Variants in VSTM4 observed in about 807,000 individuals in gnomAD.
VSTM4 encodes the protein V-set and transmembrane domain-containing protein 4.
Under a neutral mutation model 36.4 loss-of-function variants are expected in VSTM4, and 20 were observed. That is an observed-to-expected ratio of 0.55 (90% CI 0.39 to 0.80). The LOEUF is 0.80. VSTM4 is among the 30% of genes least tolerant of loss of function. The probability of loss-of-function intolerance (pLI) is 0.00; values close to 1 mark genes in which losing one functional copy is unlikely to be tolerated. For missense variants in VSTM4, 392 were observed against 404.5 expected, an observed-to-expected ratio of 0.97 and a Z score of 0.26; for synonymous variants, 182 against 173.9, an observed-to-expected ratio of 1.05 and a Z score of -0.37.
At chr10:49,099,647 C>T (rs1327115715) in intron 2 of VSTM4, among the ~76,000 whole-genome samples, 2 of 152,208 alleles carry the variant, frequency 1.3e-5, no homozygotes, top group African/African-American at 4.8e-5. Context: ...ATTTCTCACC[C>T]AGTGAAATCA....
intron 3 of VSTM4, 32 bp downstream of exon 3, chr10:49,085,923 A>G (rs760954401): frequency 1.5e-6 from 2 of 1,378,072 alleles, no homozygotes; most frequent in Non-Finnish European, 2.0e-6. Context: ...GCAACTATAG[A>G]GCAATAAAAA....
chr10:49,036,686 G>C (rs969122359), intron 7 of VSTM4, among the ~76,000 whole-genome samples: 1 of 152,234 alleles, frequency 6.6e-6, no homozygotes, highest in Admixed American at 6.5e-5. Flanking sequence ...ATAAGAGACA[G>C]ATTCTTTTTT....
At chr10:49,096,871 T>G (rs1844581701) in intron 2 of VSTM4, among the ~76,000 whole-genome samples, 1 of 152,076 alleles carries the variant, frequency 6.6e-6, no homozygotes, top group South Asian at 2.1e-4. Context: ...GCCAGGCTGG[T>G]CTTGAACTCC....
At chr10:49,032,738 G>C (rs1357290506) in intron 7 of VSTM4, among the ~76,000 whole-genome samples, 1 of 152,104 alleles carries the variant, frequency 6.6e-6, no homozygotes, top group African/African-American at 2.4e-5. Flanking sequence ...AGCTTCTCTA[G>C]AGGTTCCACG....
Position 49,054,868 on chromosome 10 carries a change from C to T in VSTM4, c.669-6284G>A, listed in dbSNP as rs566641960. 8.5e-5 allele frequency among the ~76,000 whole-genome samples: 13 copies of T among 152,268 alleles called. 1 individual carries two copies. Among genetic ancestry groups the T allele is most frequent in the South Asian group, 2.1e-4 (1 of 4,824 alleles). ...TCTCTGGGATGTGCAGGAGGTGCAGCGAACTGTGTGAGCCAAGGGACTTTC... is the reference window on the plus strand; with the variant it reads ...TCTCTGGGATGTGCAGGAGGTGCAGTGAACTGTGTGAGCCAAGGGACTTTC... On this transcript the variant is annotated intron_variant, in intron 5 of 7. Coordinates refer to ENST00000332853, the MANE Select transcript of VSTM4 (RefSeq NM_001031746.5).
intron 4 of VSTM4, 33 bp downstream of exon 4, chr10:49,077,186 C>T (rs779735556): frequency 6.2e-7 from 1 of 1,607,012 alleles, no homozygotes; most frequent in East Asian, 2.2e-5. Flanking sequence ...GGGTGTGCTC[C>T]CATCCCAGAC....
intron 5 of VSTM4, among the ~76,000 whole-genome samples, chr10:49,061,150 T>C (rs1338331386): frequency 6.6e-6 from 1 of 152,196 alleles, no homozygotes; most frequent in Non-Finnish European, 1.5e-5. Flanking sequence ...AATCAGTGTG[T>C]CACTTTCAAC....
chr10:49,035,318 A>T (rs555049140), intron 7 of VSTM4, among the ~76,000 whole-genome samples: 1 of 152,284 alleles, frequency 6.6e-6, no homozygotes, highest in Non-Finnish European at 1.5e-5. Context: ...TAAATAGAAG[A>T]CTGGGAAAGC....
chr10:49,095,920 C>T (rs1021376487), intron 2 of VSTM4, among the ~76,000 whole-genome samples: 1 of 152,194 alleles, frequency 6.6e-6, no homozygotes, highest in Non-Finnish European at 1.5e-5. Flanking sequence ...ACTGGGGCTT[C>T]ATGCATGTTT....
intron 2 of VSTM4, among the ~76,000 whole-genome samples, chr10:49,096,367 G>A (rs1021188415): frequency 6.6e-6 from 1 of 152,134 alleles, no homozygotes; most frequent in East Asian, 1.9e-4. Flanking sequence ...GCTTTGTCCA[G>A]TCTCCACATT....
chr10:49,094,878 C>A (rs186541097), intron 2 of VSTM4, among the ~76,000 whole-genome samples: 57 of 152,234 alleles, frequency 3.7e-4, no homozygotes, highest in African/African-American at 1.3e-3. Context: ...TTCTCCCTTG[C>A]CTCTCCAAGA....
At chr10:49,058,582 G>A (rs921433553) in intron 5 of VSTM4, among the ~76,000 whole-genome samples, 8 of 151,840 alleles carry the variant, frequency 5.3e-5, no homozygotes, top group Non-Finnish European at 2.9e-5. Flanking sequence ...TCCCACTCCT[G>A]AAGGTCAGGG....
chr10:49,048,935 C>T (rs1044590503), intron 5 of VSTM4, among the ~76,000 whole-genome samples: 6 of 152,198 alleles, frequency 3.9e-5, no homozygotes, highest in African/African-American at 1.4e-4. Flanking sequence ...TAACTGATTA[C>T]ACATTTTGGC....
At chr10:49,031,565 T>A (rs937352395) in intron 7 of VSTM4, among the ~76,000 whole-genome samples, 1 of 152,218 alleles carries the variant, frequency 6.6e-6, no homozygotes, top group Non-Finnish European at 1.5e-5. Flanking sequence ...GGAAAGTATA[T>A]GTGCTAAACG....
intron 4 of VSTM4, 96 bp from the exon 5 acceptor site, chr10:49,064,832 T>C: frequency 7.3e-7 from 1 of 1,370,630 alleles, no homozygotes; most frequent in Non-Finnish European, 1.0e-6. Flanking sequence ...CCAGGTGTTG[T>C]TCAGGTATTG....
intron 4 of VSTM4, among the ~76,000 whole-genome samples, chr10:49,069,029 C>T (rs1718733624): frequency 6.6e-6 from 1 of 152,100 alleles, no homozygotes; most frequent in African/African-American, 2.4e-5. Context: ...CCACCCCCAC[C>T]CTTTCTTCTT....
chr10:49,076,541 G>T (rs2131990993), intron 4 of VSTM4, among the ~76,000 whole-genome samples: 1 of 152,314 alleles, frequency 6.6e-6, no homozygotes, highest in East Asian at 1.9e-4. Context: ...GCAGGGAGAG[G>T]CTCTCAAAGG....
chr10:49,091,388 A>C (rs1287267103), intron 2 of VSTM4, among the ~76,000 whole-genome samples: 1 of 152,214 alleles, frequency 6.6e-6, no homozygotes, highest in African/African-American at 2.4e-5. Context: ...CTGTTGAAGA[A>C]AGTGGCCACA....
chr10:49,054,905 C>A (rs766609521), intron 5 of VSTM4, among the ~76,000 whole-genome samples: 1 of 151,010 alleles, frequency 6.6e-6, no homozygotes, highest in Non-Finnish European at 1.5e-5. Flanking sequence ...CAAATCCAGC[C>A]ATCTCAAAGA....
Sources: allele counts gnomAD v4.1 joint callset (sites outside exome capture counted in the v4.1 genomes callset), GRCh38; gene constraint gnomAD v4.1.1; transcripts MANE v1.5; gene names NCBI Gene and HGNC (gene_info 2026-07-23, HGNC 2026-07-21).